Variants in KIF20B observed in about 807,000 individuals in gnomAD.
The protein encoded by KIF20B is kinesin family member 20B.
Under a neutral mutation model 232.5 loss-of-function variants are expected in KIF20B, and 188 were observed. The observed-to-expected ratio is 0.81, with a 90% CI of 0.72 to 0.91. KIF20B has a LOEUF of 0.91. Among genes scored for constraint, KIF20B ranks in the 40% least tolerant of loss-of-function variants. KIF20B has a pLI of 0.00. For missense variants in KIF20B, 2,154 were observed against 2,055.9 expected (o/e 1.05, Z -0.92); for synonymous variants, 712 against 683.0 (o/e 1.04, Z -0.66).
At chr10:89,720,786 A>G (rs895752866) in intron 13 of KIF20B, among the ~76,000 whole-genome samples, 1 of 152,028 alleles carries the variant, frequency 6.6e-6, no homozygotes, top group Non-Finnish European at 1.5e-5. Flanking sequence ...GCTTACTGCA[A>G]CCTCTGCCTC....
At chr10:89,744,726 ATTATT>A (rs1400310273) in intron 22 of KIF20B, among the ~76,000 whole-genome samples, 1 of 152,212 alleles carries the variant, frequency 6.6e-6, no homozygotes, top group Non-Finnish European at 1.5e-5. Flanking sequence ...CATTTGTTAT[ATTATT>A]TTCATGTTTG....
chr10:89,724,907 A>T (rs1465705771), intron 14 of KIF20B, 113 bp from the exon 15 acceptor site: 1 of 1,025,688 alleles, frequency 9.7e-7, no homozygotes, highest in Admixed American at 2.3e-5. Flanking sequence ...GAACCACTGT[A>T]CCTGGACTAA....
chr10:89,749,450 A>T (rs1841982069), intron 23 of KIF20B, among the ~76,000 whole-genome samples: 1 of 152,168 alleles, frequency 6.6e-6, no homozygotes, highest in African/African-American at 2.4e-5. Flanking sequence ...CTATTCACAA[A>T]ATTGTACAAC....
chr10:89,752,635 C>T lies in KIF20B; in HGVS notation c.4291C>T (p.His1431Tyr), dbSNP rs759057746. The T allele has an allele frequency of 2.3e-5, 37 of 1,605,520 alleles. 2 individuals are homozygous for T. In the Admixed American group the frequency reaches 6.3e-4, roughly 27 times the overall value. ...TKNNQRSNKE[H>Y]ENNTDVLGKL... ...AAACAATCAAAGGTCAAATAAAGAACATGAGAACAACACAGATGTGCTTGG... is the reference window on the plus strand; with the variant it reads ...AAACAATCAAAGGTCAAATAAAGAATATGAGAACAACACAGATGTGCTTGG... Residue 1431 changes from histidine (H) to tyrosine (Y), a missense_variant, in exon 25 of 33, where the codon CAT becomes TAT. Physicochemically the swap from His to Tyr is moderately conservative, Grantham distance 83. Transcript: ENST00000371728.
intron 5 of KIF20B, among the ~76,000 whole-genome samples, chr10:89,710,728 G>A (rs949352060): frequency 6.6e-6 from 1 of 152,148 alleles, no homozygotes; most frequent in Non-Finnish European, 1.5e-5. Context: ...ATCTTAATAT[G>A]GTTGCATTAT....
rs1842937138 is a variant in KIF20B, at chr10:89,716,484, T to C, written c.989T>C (p.Leu330Ser). ...GATTCCAAAGAAGCCTATAGACTTTTAAAACTAGGAATAAAGCACCAGAGT... is the reference window on the plus strand; with the variant it reads ...GATTCCAAAGAAGCCTATAGACTTTCAAAACTAGGAATAAAGCACCAGAGT... ...VSDSKEAYRLLKLGIKHQSVA... is the reference protein window; with the variant it reads ...VSDSKEAYRLSKLGIKHQSVA... The change falls in exon 9 of 33, where the codon TTA (leucine) becomes TCA (serine). Residue 330 changes from leucine (L) to serine (S), a missense_variant. Physicochemically the swap from Leu to Ser is moderately radical, Grantham distance 145. Coordinates refer to ENST00000371728, the MANE Select transcript of KIF20B (RefSeq NM_001284259.2). The C allele has an allele frequency of 1.9e-6, 3 of 1,592,222 alleles. No homozygotes were observed. The highest frequency in any genetic ancestry group is 2.7e-5 in the African/African-American group (2 of 73,862).
intron 29 of KIF20B, among the ~76,000 whole-genome samples, chr10:89,766,878 T>G (rs1842372554): frequency 6.6e-6 from 1 of 152,012 alleles, no homozygotes; most frequent in African/African-American, 2.4e-5. Context: ...TAAAATAACA[T>G]TAAAACACTG....
chr10:89,748,303 C>T (rs994089475), intron 23 of KIF20B, among the ~76,000 whole-genome samples: 1 of 152,202 alleles, frequency 6.6e-6, no homozygotes, highest in Non-Finnish European at 1.5e-5. Flanking sequence ...AGCCACCGTG[C>T]CTGGCCACAA....
rs1842531113 is a variant in KIF20B, at chr10:89,774,574, T to TAC, written c.*527_*528insCA. On this transcript the variant is annotated 3_prime_UTR_variant, in exon 33 of 33. Transcript: ENST00000371728. Reference sequence around the variant, plus strand: ...TTTGTGGGTACATAGTACATGTATATATTTACGGGGTATGTGAGATGTTTT... The same window carrying TAC: ...TTTGTGGGTACATAGTACATGTATATACATTTACGGGGTATGTGAGATGTTTT... 3.3e-5 allele frequency: 5 copies of TAC among 152,008 alleles called. No individual in the cohort carries two copies. The highest frequency in any genetic ancestry group is 7.4e-5 in the Non-Finnish European group (5 of 67,950). 9.4% of individuals were successfully genotyped at this position (152,008 alleles called of 1,614,324 possible). A position where few individuals can be genotyped will look rare whatever the true frequency, so the allele number is the denominator to read the frequency against.
At position 89,743,936 on chromosome 10, in the gene KIF20B, T is replaced by G. The variant is rs776790000; in HGVS notation, c.4035+9T>G. On this transcript the variant is annotated intron_variant, in intron 22 of 32. Coordinates refer to ENST00000371728, the MANE Select transcript of KIF20B (RefSeq NM_001284259.2). The stretch of plus-strand genomic sequence containing the variant: ...CCATTCAGCAACTCAAGGTAAACAG[T>G]TTTGTTTTTAAAGATGATTTAAATG... 1.3e-5 allele frequency: 20 copies of G among 1,573,938 alleles called. No homozygotes were observed. Among genetic ancestry groups the G allele is most frequent in the Non-Finnish European group, 1.7e-5 (20 of 1,165,842 alleles).
intron 2 of KIF20B, 59 bp from the exon 3 acceptor site, chr10:89,709,108 T>C: frequency 1.7e-6 from 2 of 1,184,880 alleles, no homozygotes; most frequent in Non-Finnish European, 2.5e-6. Context: ...TAAGGAAAAA[T>C]GGTCTCTGAA....
chr10:89,710,214 T>TG lies in KIF20B; in HGVS notation c.490+150dup, dbSNP rs967469963. The TG allele has an allele frequency of 5.5e-6, 3 of 547,222 alleles. No homozygotes were observed. In the African/African-American group the frequency reaches 7.5e-5, roughly 14 times the overall value. The allele number at this position is 547,222 out of a possible 1,614,324, so 33.9% of individuals were successfully genotyped here. On this transcript the variant is annotated intron_variant, in intron 5 of 32. Transcript: ENST00000371728. ...GTACTAGCATATTATTACGTATTGC[T>TG]GTTTTTTTTTTTTTTTGGCGGGGGA...
chr10:89,714,419 A>C (rs1422069928), intron 7 of KIF20B, among the ~76,000 whole-genome samples: 2 of 152,152 alleles, frequency 1.3e-5, no homozygotes, highest in Non-Finnish European at 2.9e-5. Context: ...TGGAGGTTGC[A>C]GTGAGCCGAG....
intron 23 of KIF20B, among the ~76,000 whole-genome samples, chr10:89,747,546 CTA>C (rs1841939740): frequency 6.0e-5 from 9 of 149,906 alleles, no homozygotes; most frequent in African/African-American, 2.2e-4. Flanking sequence ...CCATGGAATA[CTA>C]CACAGCCATA....
At position 89,756,531 on chromosome 10, in the gene KIF20B, G is replaced by A. The variant is rs538631334; in HGVS notation, c.4503+1858G>A. Among the ~76,000 whole-genome samples the A allele has an allele frequency of 1.6e-3, 242 of 152,266 alleles. 1 individual carries two copies. The highest frequency in any genetic ancestry group is 5.4e-3 in the African/African-American group (226 of 41,548). On this transcript the variant is annotated intron_variant, in intron 26 of 32. Coordinates refer to ENST00000371728, the MANE Select transcript of KIF20B (RefSeq NM_001284259.2). ...CATACTTAAGAAACACATTTTTGAT[G>A]TAATGTTAATTTTTGATGTAAAATT...
At chr10:89,727,257 C>CT (rs1415348932) in intron 16 of KIF20B, among the ~76,000 whole-genome samples, 1 of 150,948 alleles carries the variant, frequency 6.6e-6, no homozygotes, top group Admixed American at 6.6e-5. Flanking sequence ...GTCTTCCCCC[C>CT]CCCTTTTTTT....
chr10:89,727,643 T>G (rs1298887557), intron 16 of KIF20B, among the ~76,000 whole-genome samples: 9 of 152,192 alleles, frequency 5.9e-5, no homozygotes, highest in African/African-American at 2.2e-4. Context: ...TATCCTGAGT[T>G]TTAGAAGTGG....
chr10:89,730,944 C>G (rs1843304391), intron 18 of KIF20B, among the ~76,000 whole-genome samples: 1 of 151,946 alleles, frequency 6.6e-6, no homozygotes, highest in South Asian at 2.1e-4. Context: ...AAGAGTTCAG[C>G]TAATAGTTGA....
rs751492157 is a variant in KIF20B at position 89,737,484 on chromosome 10, A to G, written c.2643A>G (p.Gln881=). The G allele has an allele frequency of 6.2e-7, 1 of 1,609,592 alleles. No homozygotes were observed. The highest frequency in any genetic ancestry group is 1.1e-5 in the South Asian group (1 of 89,436). ...IAEIEDIRVL[Q]ENNEGLRAFL... ...AAATTGAAGACATCAGAGTTTTACA[A>G]GAAAATAATGAAGGACTGAGAGCAT... Residue 881 remains glutamine (Q), a synonymous_variant, in exon 20 of 33, where the codon CAA becomes CAG. Coordinates refer to ENST00000371728, the MANE Select transcript of KIF20B (RefSeq NM_001284259.2).
Sources: gnomAD v4.1 joint callset for allele counts (sites outside exome capture counted in the v4.1 genomes callset) on GRCh38, gnomAD v4.1.1 for gene constraint, MANE v1.5 for transcripts, NCBI Gene and HGNC (gene_info 2026-07-23, HGNC 2026-07-21) for gene names.